SLC2A9: variants seen among roughly 807,000 people sequenced by gnomAD.
SLC2A9 encodes solute carrier family 2 member 9.
In SLC2A9, 39 loss-of-function variants were observed where a neutral mutation model predicts 50.6. The ratio of observed to expected loss-of-function variants is 0.77; its 90% CI spans 0.60 to 1.01. The LOEUF is 1.01. Among genes scored for constraint, SLC2A9 ranks in the 50% least tolerant of loss-of-function variants. The pLI is 0.00. For missense variants in SLC2A9, 686 were observed against 677.6 expected, an observed-to-expected ratio of 1.01 and a Z score of -0.14; for synonymous variants, 324 against 276.9, an observed-to-expected ratio of 1.17 and a Z score of -1.69.
At chr4:9,803,381 A>T (rs777968912) in intron 3 of SLC2A9, among the ~76,000 whole-genome samples, 4 of 152,234 alleles carry the variant, frequency 2.6e-5, no homozygotes, top group Non-Finnish European at 4.4e-5. Flanking sequence ...ATCTACCAAG[A>T]ACTGTGCTAA....
chr4:9,937,131 CT>C (rs1393216160), intron 6 of SLC2A9, among the ~76,000 whole-genome samples: 1 of 152,234 alleles, frequency 6.6e-6, no homozygotes, highest in African/African-American at 2.4e-5. Context: ...AAAACATCCT[CT>C]GCTTCAGCAA....
intron 8 of SLC2A9, among the ~76,000 whole-genome samples, chr4:9,896,736 T>C (rs562536611): frequency 2.0e-5 from 3 of 152,374 alleles, no homozygotes; most frequent in Middle Eastern, 3.4e-3. Flanking sequence ...TGGTCCATTT[T>C]GAGTTAATTT....
chr4:9,832,025 T>G (rs10025644), intron 11 of SLC2A9, among the ~76,000 whole-genome samples: 23,075 of 152,138 alleles, frequency 0.15, 2,281 homozygotes, highest in African/African-American at 0.28. Flanking sequence ...AGCTCAGACT[T>G]CTACCTTCTA....
rs121908321 is a variant in SLC2A9 at position 9,890,687 on chromosome 4, G to A, written c.1138C>T (p.Arg380Trp). The change falls in exon 9 of 12, where the codon CGG (arginine) becomes TGG (tryptophan). Residue 380 changes from arginine to tryptophan, a missense_variant. Physicochemically the swap from Arg to Trp is moderately radical, Grantham distance 101 (BLOSUM62 -3). Coordinates refer to ENST00000264784, the MANE Select transcript of SLC2A9 (RefSeq NM_020041.3). ...AAGCCACCAATGAGGAGGGGTCTCC[G>A]TCCCAGGTGCTCAATGACCAAACCC... The part of the protein sequence containing the change: ...FSGLVIEHLG[R>W]RPLLIGGFGL... 175 of 1,614,078 alleles carry A rather than the reference G, an allele frequency of 1.1e-4. 2 individuals carry two copies. In the South Asian group the frequency reaches 1.4e-3, roughly 12 times the overall value.
Position 9,961,224 on chromosome 4 carries a change from C to T in SLC2A9, c.682-19179G>A, listed in dbSNP as rs567158153. On this transcript the variant is annotated intron_variant, in intron 5 of 11. Transcript: ENST00000264784. Reference sequence around the variant, plus strand: ...GAGGCTTGGAGTGACCCAGCCAAAGCACAGTGCTAGAAAGATGTTTGGGCA... The same window carrying T: ...GAGGCTTGGAGTGACCCAGCCAAAGTACAGTGCTAGAAAGATGTTTGGGCA... 3.9e-5 allele frequency among the ~76,000 whole-genome samples: 6 copies of T among 152,010 alleles called. No individual in the cohort carries two copies. The East Asian group carries it at 1.2e-3, about 29-fold the overall frequency.
At chr4:9,964,786 CA>C (rs1200322924) in intron 5 of SLC2A9, among the ~76,000 whole-genome samples, 3 of 152,268 alleles carry the variant, frequency 2.0e-5, no homozygotes, top group Middle Eastern at 3.4e-3. Flanking sequence ...CTGTTTTGCT[CA>C]AATTCCTATA....
chr4:9,947,227 C>T (rs1348707509), intron 5 of SLC2A9, among the ~76,000 whole-genome samples: 4 of 152,186 alleles, frequency 2.6e-5, no homozygotes, highest in Admixed American at 2.0e-4. Context: ...AGTGTCCCAA[C>T]CTTGGGACCA....
chr4:9,888,911 C>T (rs73225835), intron 9 of SLC2A9, among the ~76,000 whole-genome samples: 11,892 of 152,094 alleles, frequency 0.078, 606 homozygotes, highest in Non-Finnish European at 0.09. Flanking sequence ...TGTACCAAGT[C>T]ACTCACTCAC....
intron 10 of SLC2A9, among the ~76,000 whole-genome samples, chr4:9,874,624 T>G (rs367795021): frequency 1.3e-5 from 2 of 152,366 alleles, no homozygotes; most frequent in East Asian, 3.9e-4. Context: ...GGATGTTGTG[T>G]AATCCCAGCT....
At chr4:10,021,842 C>CTTT (rs57844352), upstream of SLC2A9, among the ~76,000 whole-genome samples, 10 of 136,930 alleles carry the variant, frequency 7.3e-5, no homozygotes, top group African/African-American at 2.7e-4. Flanking sequence ...GACTCTTCCA[C>CTTT]TTTTTTTTTT....
chr4:9,995,117 T>C (rs1031429047), intron 3 of SLC2A9, among the ~76,000 whole-genome samples: 6 of 152,158 alleles, frequency 3.9e-5, no homozygotes, highest in African/African-American at 1.4e-4. Context: ...TAGCTAAGCT[T>C]GTGCAGATGC....
chr4:9,974,926 A>C (rs971423956), intron 5 of SLC2A9, among the ~76,000 whole-genome samples: 72 of 152,324 alleles, frequency 4.7e-4, no homozygotes, highest in Middle Eastern at 3.4e-3. Context: ...AATGAAACAG[A>C]ATGGAGAACA....
At chr4:9,945,256 G>A (rs79933544) in intron 5 of SLC2A9, among the ~76,000 whole-genome samples, 1 of 152,356 alleles carries the variant, frequency 6.6e-6, no homozygotes, top group African/African-American at 2.4e-5. Flanking sequence ...TTATCGAAAT[G>A]CCTATGCCTC....
intron 3 of SLC2A9, among the ~76,000 whole-genome samples, chr4:9,805,826 G>T (rs1722048654): frequency 6.6e-6 from 1 of 151,960 alleles, no homozygotes; most frequent in Admixed American, 6.6e-5. Flanking sequence ...CTTATTAAGT[G>T]CTGGGCACTG....
At chr4:9,977,303 C>G (rs934379420) in intron 5 of SLC2A9, among the ~76,000 whole-genome samples, 2 of 152,092 alleles carry the variant, frequency 1.3e-5, no homozygotes, top group African/African-American at 4.8e-5. Flanking sequence ...AGGTCAGTTT[C>G]CAATATTTAC....
At chr4:9,828,805 C>T (rs769803750) in intron 11 of SLC2A9, among the ~76,000 whole-genome samples, 1 of 152,200 alleles carries the variant, frequency 6.6e-6, no homozygotes, top group Admixed American at 6.5e-5. Context: ...TTATAGTGTG[C>T]AACTGCCTGT....
intron 1 of SLC2A9, among the ~76,000 whole-genome samples, chr4:10,027,051 CA>C (rs111732147): frequency 1.8e-3 from 268 of 145,394 alleles, no homozygotes; most frequent in African/African-American, 5.9e-3. Context: ...CTCAAAAAAA[CA>C]AAAAAAAAAA....
rs748435468 is a variant in SLC2A9 at position 10,021,396 on chromosome 4, G to A, written c.34C>T (p.Leu12=). 6.2e-7 allele frequency: 1 copy of A among 1,614,242 alleles called. No individual in the cohort carries two copies. Among genetic ancestry groups the A allele is most frequent in the Non-Finnish European group, 8.5e-7 (1 of 1,180,034 alleles). ...ARKQNRNSKE[L]GLVPLTDDTS... Reference sequence around the variant, plus strand: ...TCATCTGTGAGGGGAACTAGGCCCAGTTCCTTGGAATTCCTATTTTGTTTC... The same window carrying A: ...TCATCTGTGAGGGGAACTAGGCCCAATTCCTTGGAATTCCTATTTTGTTTC... The change falls in exon 1 of 12, where the codon CTG becomes TTG. Residue 12 remains leucine (L), a synonymous_variant. Coordinates refer to ENST00000264784, the MANE Select transcript of SLC2A9 (RefSeq NM_020041.3).
intron 3 of SLC2A9, among the ~76,000 whole-genome samples, chr4:9,991,404 G>GC (rs1757697293): frequency 6.6e-6 from 1 of 152,110 alleles, no homozygotes; most frequent in South Asian, 2.1e-4. Flanking sequence ...ACCCTTGAAC[G>GC]CATGTAACCT....
Sources: gnomAD v4.1 joint callset for allele counts (sites outside exome capture counted in the v4.1 genomes callset) on GRCh38, gnomAD v4.1.1 for gene constraint, MANE v1.5 for transcripts, NCBI Gene and HGNC (gene_info 2026-07-23, HGNC 2026-07-21) for gene names.